LHFPL3: variants seen among roughly 807,000 people sequenced by gnomAD.
LHFPL3 encodes the protein LHFPL tetraspan subfamily member 3 protein.
Under a neutral mutation model 19.3 loss-of-function variants are expected in LHFPL3, and 5 were observed. The observed-to-expected ratio is 0.26, with a 90% CI of 0.14 to 0.54. The LOEUF (loss-of-function observed/expected upper bound fraction) is 0.54, where lower values mean the gene tolerates loss of function less well. Ranked by LOEUF, LHFPL3 falls within the 20% of genes least tolerant of loss-of-function variation. The pLI is 0.94. For missense variants in LHFPL3, 249 were observed against 307.4 expected, an observed-to-expected ratio of 0.81 and a Z score of 1.42; for synonymous variants, 133 against 126.2, an observed-to-expected ratio of 1.05 and a Z score of -0.36.
At chr7:104,828,431 C>T (rs557126654) in intron 2 of LHFPL3, among the ~76,000 whole-genome samples, 4 of 151,998 alleles carry the variant, frequency 2.6e-5, no homozygotes, top group Admixed American at 2.6e-4. Flanking sequence ...AGGTAGTGAA[C>T]TCAGTAACTC....
At chr7:104,589,067 T>C (rs540315792) in intron 1 of LHFPL3, among the ~76,000 whole-genome samples, 41 of 152,248 alleles carry the variant, frequency 2.7e-4, no homozygotes, top group African/African-American at 8.9e-4. Flanking sequence ...ACAGGGACAA[T>C]TTGACTTCCT....
rs563457192 is a variant in LHFPL3 at position 104,827,815 on chromosome 7, A to G, written c.683-78372A>G. On this transcript the variant is annotated intron_variant, in intron 2 of 2. Coordinates refer to ENST00000424859, the MANE Select transcript of LHFPL3 (RefSeq NM_199000.3). Reference sequence around the variant, plus strand: ...GATGCTTGGTTCATCTCACCACGTGAACTCCTTCAAAAGACCTGTGCCATC... The same window carrying G: ...GATGCTTGGTTCATCTCACCACGTGGACTCCTTCAAAAGACCTGTGCCATC... 2.0e-5 allele frequency among the ~76,000 whole-genome samples: 3 copies of G among 152,034 alleles called. No homozygotes were observed. The South Asian group carries it at 6.2e-4, about 32-fold the overall frequency.
intron 1 of LHFPL3, among the ~76,000 whole-genome samples, chr7:104,341,538 A>C (rs1021448126): frequency 6.6e-6 from 1 of 152,250 alleles, no homozygotes; most frequent in African/African-American, 2.4e-5. Context: ...AACTTACTAA[A>C]TAAGCTTGTT....
chr7:104,531,211 C>T (rs1428871044), intron 1 of LHFPL3, among the ~76,000 whole-genome samples: 2 of 152,150 alleles, frequency 1.3e-5, no homozygotes, highest in African/African-American at 4.8e-5. Context: ...TTTTCTTTCC[C>T]TCCACAACCC....
intron 1 of LHFPL3, among the ~76,000 whole-genome samples, chr7:104,710,068 C>G (rs1793271999): frequency 6.6e-6 from 1 of 152,250 alleles, no homozygotes; most frequent in Admixed American, 6.5e-5. Context: ...CGTCTGCAAT[C>G]CCGGCACCTC....
chr7:104,328,732 GGGAGGCGGAGGACCA>G lies in LHFPL3; in HGVS notation c.-42_-28del. On this transcript the variant is annotated 5_prime_UTR_variant, in exon 1 of 3. Coordinates refer to ENST00000424859, the MANE Select transcript of LHFPL3 (RefSeq NM_199000.3). The surrounding 1 kb of genome is among the most constrained non-coding windows in gnomAD (Gnocchi z 4.6). ...TGTCTCCTGCGCGCTGAGAGGCGGG[GGGAGGCGGAGGACCA>G]GGAGGAGGAGGAGGAGGAGGAGGAG... 6.7e-7 allele frequency: 1 copy of G among 1,486,204 alleles called. No individual in the cohort carries two copies. The highest frequency in any genetic ancestry group is 1.2e-5 in the South Asian group (1 of 80,082). The allele number at this position is 1,486,204 out of a possible 1,614,324, so 92.1% of individuals were successfully genotyped here.
intron 1 of LHFPL3, among the ~76,000 whole-genome samples, chr7:104,421,883 G>A (rs1326306734): frequency 6.6e-6 from 1 of 152,142 alleles, no homozygotes; most frequent in Non-Finnish European, 1.5e-5. Flanking sequence ...GATCGTGAAG[G>A]TGGAGCCCTC....
intron 1 of LHFPL3, among the ~76,000 whole-genome samples, chr7:104,408,336 A>G (rs930894385): frequency 1.4e-5 from 2 of 146,130 alleles, no homozygotes; most frequent in African/African-American, 5.2e-5. Context: ...TTAATTGTTG[A>G]GCTCCATGTT....
At chr7:104,698,876 C>A (rs1793049301) in intron 1 of LHFPL3, among the ~76,000 whole-genome samples, 1 of 152,072 alleles carries the variant, frequency 6.6e-6, no homozygotes, top group Admixed American at 6.5e-5. Flanking sequence ...TTTAAATGGG[C>A]AAATAGCTTT....
At chr7:104,460,791 T>C (rs1792646969) in intron 1 of LHFPL3, among the ~76,000 whole-genome samples, 1 of 152,158 alleles carries the variant, frequency 6.6e-6, no homozygotes, top group Non-Finnish European at 1.5e-5. Context: ...CATTCTTAGG[T>C]TGTGTGTTTA....
At chr7:104,883,644 C>T (rs906195708) in intron 2 of LHFPL3, among the ~76,000 whole-genome samples, 3 of 152,116 alleles carry the variant, frequency 2.0e-5, no homozygotes, top group African/African-American at 7.2e-5. Context: ...TAGTGTGTAA[C>T]GTGTCACTGA....
intron 1 of LHFPL3, among the ~76,000 whole-genome samples, chr7:104,444,452 C>T (rs1316799131): frequency 6.6e-6 from 1 of 152,190 alleles, no homozygotes; most frequent in African/African-American, 2.4e-5. Context: ...TTAGATAATT[C>T]TCCATATGGA....
intron 1 of LHFPL3, among the ~76,000 whole-genome samples, chr7:104,511,836 C>T (rs879456586): frequency 1.3e-5 from 2 of 151,912 alleles, no homozygotes; most frequent in Admixed American, 6.6e-5. Flanking sequence ...TTAAAATTTT[C>T]CATTTAGAAT....
At chr7:104,459,996 C>A (rs1021599035) in intron 1 of LHFPL3, among the ~76,000 whole-genome samples, 2 of 152,014 alleles carry the variant, frequency 1.3e-5, no homozygotes, top group Non-Finnish European at 2.9e-5. Flanking sequence ...TTTTCTGATC[C>A]TCTCCTTCTT....
At chr7:104,335,077 A>G (rs1221158020) in intron 1 of LHFPL3, among the ~76,000 whole-genome samples, 1 of 152,136 alleles carries the variant, frequency 6.6e-6, no homozygotes, top group Non-Finnish European at 1.5e-5. Context: ...GTGATTCTGA[A>G]TGTACTGAGC....
chr7:104,376,386 T>C (rs552974794), intron 1 of LHFPL3, among the ~76,000 whole-genome samples: 11 of 152,318 alleles, frequency 7.2e-5, no homozygotes, highest in African/African-American at 2.4e-4. Flanking sequence ...AGAGAAGTTG[T>C]TATATAGGAT....
chr7:104,370,048 C>T (rs1194694249), intron 1 of LHFPL3, among the ~76,000 whole-genome samples: 2 of 152,024 alleles, frequency 1.3e-5, no homozygotes, highest in African/African-American at 4.8e-5. Flanking sequence ...TATTGAATAA[C>T]TGAAAAGGCC....
At chr7:104,788,226 A>G (rs561660722) in intron 2 of LHFPL3, among the ~76,000 whole-genome samples, 1 of 152,304 alleles carries the variant, frequency 6.6e-6, no homozygotes, top group South Asian at 2.1e-4. Flanking sequence ...TTTATAGTCT[A>G]ATAAACAGAA....
At chr7:104,422,388 A>ACAACAAC (rs1791751245) in intron 1 of LHFPL3, among the ~76,000 whole-genome samples, 1 of 151,970 alleles carries the variant, frequency 6.6e-6, no homozygotes, top group African/African-American at 2.4e-5. Context: ...AACAAGAACA[A>ACAACAAC]ATATTTCAGT....
Sources: gnomAD v4.1 joint callset for allele counts (sites outside exome capture counted in the v4.1 genomes callset) on GRCh38, gnomAD v4.1.1 for gene constraint, Gnocchi (gnomAD v3.1) non-coding constraint, MANE v1.5 for transcripts, NCBI Gene and HGNC (gene_info 2026-07-23, HGNC 2026-07-21) for gene names.